EPB41: variants seen among roughly 807,000 people sequenced by gnomAD.
The protein encoded by EPB41 is erythrocyte membrane protein band 4.1, also known as protein 4.1.
In EPB41, 65 loss-of-function variants were observed where a neutral mutation model predicts 108.0. The ratio of observed to expected loss-of-function variants is 0.60; its 90% CI spans 0.49 to 0.74. The LOEUF (loss-of-function observed/expected upper bound fraction) is 0.74. EPB41 is among the 30% of genes least tolerant of loss of function. The pLI is 0.00. For synonymous variants in EPB41, 336 were observed against 358.9 expected (o/e 0.94, Z 0.72); for missense variants, 875 against 1,037.0 (o/e 0.84, Z 2.15).
rs185752229 is a variant in EPB41, at chr1:29,030,512, A to C, written c.1212+25A>C. On this transcript the variant is annotated intron_variant, in intron 8 of 20. Transcript: ENST00000343067. ...GGTAATGATAACTTTGCCCTTTATT[A>C]ATATGCATGTGGAAGATATTATATG... 1.3e-4 allele frequency: 193 copies of C among 1,502,948 alleles called. No homozygotes were observed. The African/African-American group carries it at 2.4e-3, about 18-fold the overall frequency. 93.1% of individuals were successfully genotyped at this position (1,502,948 alleles called of 1,614,324 possible). A position where few individuals can be genotyped will look rare whatever the true frequency, so the allele number is the denominator to read the frequency against.
At chr1:29,014,483 G>T (rs961554910) in intron 5 of EPB41, among the ~76,000 whole-genome samples, 1 of 151,988 alleles carries the variant, frequency 6.6e-6, no homozygotes, top group African/African-American at 2.4e-5. Context: ...TAGTCATGCA[G>T]TTTTCGTTCC....
chr1:29,090,189 G>A (rs1463833772), intron 16 of EPB41, among the ~76,000 whole-genome samples: 1 of 152,196 alleles, frequency 6.6e-6, no homozygotes, highest in African/African-American at 2.4e-5. Context: ...CTTGAACCCA[G>A]AAGGTGGAGG....
chr1:29,112,560 A>G (rs575026738), intron 19 of EPB41, 112 bp downstream of exon 19: 3 of 838,710 alleles, frequency 3.6e-6, no homozygotes, highest in African/African-American at 1.7e-5. Context: ...TGGCCACTCT[A>G]GCTCTTAATT....
intron 6 of EPB41, among the ~76,000 whole-genome samples, chr1:29,017,128 A>G (rs1266186277): frequency 6.6e-6 from 1 of 152,196 alleles, no homozygotes. Context: ...CTACTTAATC[A>G]TCTTTTTCCG....
At chr1:28,893,925 G>A (rs2090396124) in intron 1 of EPB41, 1 of 152,250 alleles carries the variant, frequency 6.6e-6, no homozygotes, top group South Asian at 2.1e-4. Context: ...GGCGTAAAGA[G>A]AGGCCCGGGG....
intron 1 of EPB41, among the ~76,000 whole-genome samples, chr1:28,968,976 A>T (rs77746605): frequency 5.5e-5 from 3 of 54,162 alleles, no homozygotes; most frequent in Non-Finnish European, 9.6e-5. Flanking sequence ...AAAACCCCCC[A>T]CCCCCCAAAA....
intron 11 of EPB41, among the ~76,000 whole-genome samples, chr1:29,051,086 C>CTTTTTT (rs1644409619): frequency 1.7e-5 from 1 of 57,248 alleles, no homozygotes; most frequent in Non-Finnish European, 3.5e-5. Context: ...TTTTCTTTTT[C>CTTTTTT]TGTTTTTTTT....
At chr1:29,033,940 T>A (rs1638402628) in intron 9 of EPB41, among the ~76,000 whole-genome samples, 1 of 152,196 alleles carries the variant, frequency 6.6e-6, no homozygotes, top group Non-Finnish European at 1.5e-5. Context: ...TAATACCTTC[T>A]CCATCATAGT....
intron 16 of EPB41, among the ~76,000 whole-genome samples, chr1:29,089,964 G>T (rs938448029): frequency 4.6e-5 from 7 of 152,058 alleles, no homozygotes; most frequent in Non-Finnish European, 1.0e-4. Context: ...TGGATGAGGC[G>T]TTCTAAGAGC....
intron 16 of EPB41, chr1:29,096,412 A>G (rs1221616133): frequency 1.0e-6 from 1 of 985,802 alleles, no homozygotes; most frequent in Non-Finnish European, 1.2e-6. Flanking sequence ...GGGGATGTAT[A>G]GGAGTGGAGG....
chr1:29,078,949 A>G (rs1411399199), intron 16 of EPB41, among the ~76,000 whole-genome samples: 1 of 152,148 alleles, frequency 6.6e-6, no homozygotes, highest in Non-Finnish European at 1.5e-5. Context: ...CCTTTTCTTT[A>G]GCCAAGTTTT....
intron 12 of EPB41, among the ~76,000 whole-genome samples, chr1:29,057,382 A>AAG (rs1443159780): frequency 6.6e-6 from 1 of 150,556 alleles, no homozygotes. Flanking sequence ...TCAAAAAAAA[A>AAG]AAAAAAAAAA....
At chr1:29,077,909 T>G (rs1464479894) in intron 16 of EPB41, among the ~76,000 whole-genome samples, 1 of 152,214 alleles carries the variant, frequency 6.6e-6, no homozygotes, top group Non-Finnish European at 1.5e-5. Flanking sequence ...TAAATACCAT[T>G]CTTAGCTCAT....
At chr1:28,949,396 C>T (rs1490999461) in intron 1 of EPB41, among the ~76,000 whole-genome samples, 1 of 151,992 alleles carries the variant, frequency 6.6e-6, no homozygotes, top group African/African-American at 2.4e-5. Flanking sequence ...GCCATGATGG[C>T]ATCACTGCAC....
chr1:28,974,301 C>T (rs1557873623), intron 1 of EPB41, among the ~76,000 whole-genome samples: 1 of 152,174 alleles, frequency 6.6e-6, no homozygotes, highest in Non-Finnish European at 1.5e-5. Context: ...CATAGGAATG[C>T]TCTGGTCACT....
At chr1:28,921,195 A>G (rs754789413) in intron 1 of EPB41, among the ~76,000 whole-genome samples, 15 of 152,232 alleles carry the variant, frequency 9.9e-5, no homozygotes, top group Admixed American at 6.5e-4. Flanking sequence ...ATATACAGCT[A>G]TTAGTACTTA....
chr1:29,099,847 T>C (rs1262696078), intron 17 of EPB41, among the ~76,000 whole-genome samples: 1 of 152,226 alleles, frequency 6.6e-6, no homozygotes, highest in East Asian at 1.9e-4. Context: ...GGAACTTACA[T>C]TCTAGTTAGG....
chr1:28,897,651 AG>A (rs1557614051), intron 1 of EPB41, among the ~76,000 whole-genome samples: 20 of 31,780 alleles, frequency 6.3e-4, no homozygotes, highest in African/African-American at 1.9e-3. Context: ...AGGGGAGAGG[AG>A]GGGAGGGGAC....
At chr1:28,945,850 A>G (rs1421504642) in intron 1 of EPB41, among the ~76,000 whole-genome samples, 1 of 152,208 alleles carries the variant, frequency 6.6e-6, no homozygotes, top group Non-Finnish European at 1.5e-5. Context: ...TTAGATTGAC[A>G]TTAGTCAAGA....
Sources: gnomAD v4.1 joint callset for allele counts (sites outside exome capture counted in the v4.1 genomes callset) on GRCh38, gnomAD v4.1.1 for gene constraint, MANE v1.5 for transcripts, NCBI Gene and HGNC (gene_info 2026-07-23, HGNC 2026-07-21) for gene names.